NCAM2: variants seen among roughly 807,000 people sequenced by gnomAD.
NCAM2 encodes the protein neural cell adhesion molecule 2.
Under a neutral mutation model 98.1 loss-of-function variants are expected in NCAM2, and 30 were observed. The ratio of observed to expected loss-of-function variants is 0.31; its 90% CI spans 0.23 to 0.41. NCAM2 has a LOEUF of 0.41. Among genes scored for constraint, NCAM2 ranks in the 10% least tolerant of loss-of-function variants. The pLI is 1.00. For missense variants in NCAM2, 867 were observed against 1,005.8 expected, an observed-to-expected ratio of 0.86 and a Z score of 1.87; for synonymous variants, 368 against 342.4, an observed-to-expected ratio of 1.07 and a Z score of -0.83.
At chr21:21,394,568 A>C (rs576040305) in intron 9 of NCAM2, among the ~76,000 whole-genome samples, 123 of 133,294 alleles carry the variant, frequency 9.2e-4, no homozygotes, top group African/African-American at 3.5e-3. Flanking sequence ...GGCTCACTGC[A>C]AGCTCCGCCT....
At chr21:21,210,710 C>G in intron 1 of NCAM2, 1 of 1,147,418 alleles carries the variant, frequency 8.7e-7, no homozygotes, top group Non-Finnish European at 1.1e-6. Flanking sequence ...GACCATTGCC[C>G]AGGGCTGTAA....
chr21:21,360,310 A>G (rs188235072), intron 8 of NCAM2, among the ~76,000 whole-genome samples: 1 of 152,094 alleles, frequency 6.6e-6, no homozygotes, highest in African/African-American at 2.4e-5. Flanking sequence ...CCGTATGTTT[A>G]GTAGCTGTGT....
chr21:21,061,566 A>T (rs577221365), intron 1 of NCAM2, among the ~76,000 whole-genome samples: 70 of 152,156 alleles, frequency 4.6e-4, no homozygotes, highest in Non-Finnish European at 8.7e-4. Flanking sequence ...CTGTTCAGAG[A>T]TGAGTTAAAC....
chr21:21,297,976 C>G (rs556803637), intron 5 of NCAM2, among the ~76,000 whole-genome samples: 7 of 151,636 alleles, frequency 4.6e-5, no homozygotes, highest in Non-Finnish European at 8.8e-5. Context: ...GCAATTGTTT[C>G]TTTAGTCGAT....
intron 11 of NCAM2, among the ~76,000 whole-genome samples, chr21:21,423,106 T>C (rs2077145034): frequency 6.6e-6 from 1 of 152,236 alleles, no homozygotes; most frequent in Non-Finnish European, 1.5e-5. Context: ...TTGAACTTTT[T>C]TATATTAAAC....
At position 21,530,231 on chromosome 21, in the gene NCAM2, TATTTA is replaced by T. The variant is rs1480203240; in HGVS notation, c.2283-4299_2283-4295del. On this transcript the variant is annotated intron_variant, in intron 16 of 17. Transcript: ENST00000400546. ...TAATTTAATTTAATTTAATTATATA[TATTTA>T]ATTTAAATTAATTATATATAATTTA... 2.1e-4 allele frequency among the ~76,000 whole-genome samples: 10 copies of T among 48,570 alleles called. 2 individuals are homozygous for T. The South Asian group carries it at 3.7e-3, about 18-fold the overall frequency. The allele number at this position is 48,570 out of a possible 152,430, so 31.9% of individuals were successfully genotyped here.
rs373506955 is a variant in NCAM2 at position 21,264,859 on chromosome 21, CGTGT to C, written c.56-15710_56-15707del. On this transcript the variant is annotated intron_variant, in intron 1 of 17. Transcript: ENST00000400546. ...ATATACACACATGCACACGCACACACGTGTGTGTGTGTTCATAGTGGGATATATA... is the reference window on the plus strand; with the variant it reads ...ATATACACACATGCACACGCACACACGTGTGTGTTCATAGTGGGATATATA... 6.9e-3 allele frequency among the ~76,000 whole-genome samples: 944 copies of C among 137,524 alleles called. 26 individuals carry two copies. The highest frequency in any genetic ancestry group is 0.053 in the Admixed American group (707 of 13,452). The allele number at this position is 137,524 out of a possible 152,430, so 90.2% of individuals were successfully genotyped here.
intron 1 of NCAM2, among the ~76,000 whole-genome samples, chr21:21,196,989 G>A (rs1410920477): frequency 2.6e-5 from 4 of 152,118 alleles, no homozygotes; most frequent in Non-Finnish European, 5.9e-5. Context: ...AACCATGTGA[G>A]ATACACCTGC....
At position 21,486,700 on chromosome 21, in the gene NCAM2, T is replaced by C. The variant is rs1315300431; in HGVS notation, c.2077+9229T>C. ...TTTTTTGGAGATCACGGAATACTTATTTAGTAAGTTAGTGCAAAGTTTATT... is the reference window on the plus strand; with the variant it reads ...TTTTTTGGAGATCACGGAATACTTACTTAGTAAGTTAGTGCAAAGTTTATT... On this transcript the variant is annotated intron_variant, in intron 15 of 17. Coordinates refer to ENST00000400546, the MANE Select transcript of NCAM2 (RefSeq NM_004540.5). Among the ~76,000 whole-genome samples, 6 of 152,262 alleles carry C rather than the reference T, an allele frequency of 3.9e-5. No homozygotes were observed. In the South Asian group the frequency reaches 8.3e-4, roughly 21 times the overall value.
intron 15 of NCAM2, among the ~76,000 whole-genome samples, chr21:21,497,571 G>C (rs1186980438): frequency 2.6e-5 from 4 of 152,048 alleles, no homozygotes; most frequent in African/African-American, 9.7e-5. Context: ...GAAGTGATTT[G>C]AAGGAAAATT....
intron 13 of NCAM2, among the ~76,000 whole-genome samples, chr21:21,468,290 A>G (rs571274195): frequency 6.6e-5 from 10 of 152,162 alleles, no homozygotes; most frequent in East Asian, 1.9e-4. Flanking sequence ...ATATTAATAA[A>G]TGCTTACAAA....
chr21:21,126,607 T>C (rs760961341), intron 1 of NCAM2, among the ~76,000 whole-genome samples: 28 of 152,030 alleles, frequency 1.8e-4, no homozygotes, highest in Non-Finnish European at 3.7e-4. Context: ...ATATCATATA[T>C]TTGATATATT....
At chr21:21,531,805 C>A (rs1989709677) in intron 16 of NCAM2, among the ~76,000 whole-genome samples, 1 of 148,746 alleles carries the variant, frequency 6.7e-6, no homozygotes. Context: ...GCGGTGAAAC[C>A]CCGTCTCTAC....
In NCAM2 at chr21:21,229,642, G is replaced by C. The variant is rs546313063; in HGVS notation, c.56-50936G>C. On this transcript the variant is annotated intron_variant, in intron 1 of 17. Transcript: ENST00000400546. Reference sequence around the variant, plus strand: ...ATTGCATTGTAATAGTTGTCTTCCAGATTAAGTGCTTATTTCATTATCTCA... The same window carrying C: ...ATTGCATTGTAATAGTTGTCTTCCACATTAAGTGCTTATTTCATTATCTCA... Among the ~76,000 whole-genome samples, 6 of 151,502 alleles carry C rather than the reference G, an allele frequency of 4.0e-5. No individual in the cohort carries two copies. The South Asian group carries it at 1.2e-3, about 31-fold the overall frequency.
chr21:21,098,930 A>G (rs2066181169), intron 1 of NCAM2, among the ~76,000 whole-genome samples: 1 of 151,880 alleles, frequency 6.6e-6, no homozygotes, highest in South Asian at 2.1e-4. Context: ...ATGGCCAGGC[A>G]CGCGATGAGA....
At chr21:21,186,848 T>G (rs2068656524) in intron 1 of NCAM2, among the ~76,000 whole-genome samples, 1 of 152,130 alleles carries the variant, frequency 6.6e-6, no homozygotes, top group East Asian at 1.9e-4. Flanking sequence ...AAAATACGAT[T>G]GTAAATATAC....
chr21:21,069,555 C>A lies in NCAM2; in HGVS notation c.55+70937C>A, dbSNP rs181190522. Among the ~76,000 whole-genome samples, 71 of 152,180 alleles carry A rather than the reference C, an allele frequency of 4.7e-4. 1 individual carries two copies. Among genetic ancestry groups the A allele is most frequent in the Admixed American group, 4.6e-3 (71 of 15,280 alleles). On this transcript the variant is annotated intron_variant, in intron 1 of 17. Transcript: ENST00000400546. ...AAGTTCTAATACCTGGTGATGATTC[C>A]CCAACTGTGTACCCACTCAAACACT... is the stretch of plus-strand genomic sequence containing the variant.
intron 11 of NCAM2, among the ~76,000 whole-genome samples, chr21:21,419,809 C>A (rs1359422444): frequency 6.6e-6 from 1 of 151,962 alleles, no homozygotes; most frequent in Non-Finnish European, 1.5e-5. Context: ...TGAATAGTGC[C>A]GCGATAAACA....
At chr21:21,340,563 T>C (rs1030346136) in intron 8 of NCAM2, among the ~76,000 whole-genome samples, 1 of 152,014 alleles carries the variant, frequency 6.6e-6, no homozygotes, top group Non-Finnish European at 1.5e-5. Context: ...TAAACAATTA[T>C]AGAAACTCAA....
Sources: allele counts gnomAD v4.1 joint callset (sites outside exome capture counted in the v4.1 genomes callset), GRCh38; gene constraint gnomAD v4.1.1; transcripts MANE v1.5; gene names NCBI Gene and HGNC (gene_info 2026-07-23, HGNC 2026-07-21).